PRMT7: variants seen among roughly 807,000 people sequenced by gnomAD.
PRMT7 encodes the protein protein arginine N-methyltransferase 7.
PRMT7 carries 75 observed loss-of-function variants against 85.4 expected under a neutral mutation model. The observed-to-expected ratio is 0.88, with a 90% CI of 0.73 to 1.06. The LOEUF is 1.06. PRMT7 is among the 50% of genes least tolerant of loss of function. PRMT7 has a pLI of 0.00. For missense variants in PRMT7, 868 were observed against 915.2 expected, an observed-to-expected ratio of 0.95 and a Z score of 0.67; for synonymous variants, 397 against 359.5, an observed-to-expected ratio of 1.10 and a Z score of -1.18.
chr16:68,311,459 A>ATACGGCGACCACC, intron 1 of PRMT7: 1 of 204,260 alleles, frequency 4.9e-6, no homozygotes, highest in East Asian at 1.8e-4. Context: ...GAGTAATTGG[A>ATACGGCGACCACC]GAGTCGTGTA....
chr16:68,352,168 C>T, intron 14 of PRMT7, 80 bp from the exon 15 acceptor site: 2 of 1,447,712 alleles, frequency 1.4e-6, no homozygotes, highest in South Asian at 1.3e-5. Flanking sequence ...ACTGAGTGGC[C>T]TGTTGCTTCC....
intron 6 of PRMT7, among the ~76,000 whole-genome samples, chr16:68,331,469 CTT>C (rs57038859): frequency 1.9e-4 from 22 of 114,438 alleles, no homozygotes; most frequent in East Asian, 6.8e-4. Flanking sequence ...CTTTGTTGTT[CTT>C]TTTTTTTTTT....
rs1161533616 is a variant in PRMT7 at position 68,347,328 on chromosome 16, T to C, written c.1275+34T>C. The C allele has an allele frequency of 5.3e-5, 80 of 1,507,404 alleles. 1 individual carries two copies. The highest frequency in any genetic ancestry group is 6.5e-5 in the Non-Finnish European group (73 of 1,119,636). 93.4% of individuals were successfully genotyped at this position (1,507,404 alleles called of 1,614,324 possible). A position where few individuals can be genotyped will look rare whatever the true frequency, so the allele number is the denominator to read the frequency against. On this transcript the variant is annotated intron_variant, in intron 12 of 18. Transcript: ENST00000441236. ...ATGCACCCTTGTCAGCCTCCTGATG[T>C]GGGCTTGTGAGTTAGAGCATTGCGT...
intron 3 of PRMT7, among the ~76,000 whole-genome samples, chr16:68,318,424 C>T (rs1597126558): frequency 6.6e-6 from 1 of 152,304 alleles, no homozygotes; most frequent in East Asian, 1.9e-4. Context: ...TGATCTTGAT[C>T]TCCTGACCTT....
downstream of PRMT7, chr16:68,358,992 A>T (rs1004117287): frequency 6.6e-6 from 1 of 152,642 alleles, no homozygotes; most frequent in African/African-American, 2.4e-5. Context: ...CCAGGACCTG[A>T]CTAGGCAGAG....
Position 68,356,772 on chromosome 16 carries a change from G to T in PRMT7, c.1883G>T (p.Gly628Val). 2.5e-6 allele frequency: 4 copies of T among 1,609,900 alleles called. No individual in the cohort carries two copies. The highest frequency in any genetic ancestry group is 3.4e-6 in the Non-Finnish European group (4 of 1,179,420). Residue 628 changes from glycine (G) to valine (V), a missense_variant, in exon 18 of 19, where the codon GGC (glycine) becomes GTC (valine). Physicochemically the swap from Gly to Val is moderately radical, Grantham distance 109. Transcript: ENST00000441236. ...HLTPECTLST[G>V]LLEPADPEGG... ...ACCCCGGAGTGCACGCTCAGCACTG[G>T]CCTCCTGGAGCCTGCAGACCCCGAG...
chr16:68,360,337 CCTT>C (rs1835975014), downstream of PRMT7: 1 of 114,448 alleles, frequency 8.7e-6, no homozygotes, highest in South Asian at 2.7e-4. Flanking sequence ...GCTGTGAGTC[CCTT>C]CTTCCTGTAA....
At chr16:68,311,510 G>A (rs760680074) in intron 1 of PRMT7, 40 of 161,094 alleles carry the variant, frequency 2.5e-4, no homozygotes, top group Non-Finnish European at 4.3e-4. Flanking sequence ...AAAAGCGTAA[G>A]CCTAGTGTAG....
At chr16:68,359,149 T>G (rs1186961892), downstream of PRMT7, 2 of 152,364 alleles carry the variant, frequency 1.3e-5, no homozygotes, top group Non-Finnish European at 2.9e-5. Flanking sequence ...GTGGGGGCCC[T>G]GCCCGGGCCT....
rs115945949 is a variant in PRMT7 at position 68,348,402 on chromosome 16, T to G, written c.1384T>G (p.Leu462Val). 4.3e-6 allele frequency: 7 copies of G among 1,612,862 alleles called. No homozygotes were observed. In the African/African-American group the frequency reaches 9.3e-5, roughly 22 times the overall value. ...INIIEKRPEL[L>V]TNEDLQGRKV... ...CATCATAGAGAAACGGCCGGAATTA[T>G]TAACAAATGAGGACCTACAGGGCAG... is the stretch of plus-strand genomic sequence containing the variant. Residue 462 changes from leucine (L) to valine (V), a missense_variant, in exon 14 of 19, where the codon TTA (leucine) becomes GTA (valine). Leu to Val is a conservative substitution (Grantham distance 32). Transcript: ENST00000441236.
At chr16:68,347,395 G>T (rs2086579518) in intron 12 of PRMT7, 101 bp downstream of exon 12, 14 of 1,273,966 alleles carry the variant, frequency 1.1e-5, no homozygotes, top group Middle Eastern at 1.9e-4. Flanking sequence ...CTTTGCAAAG[G>T]CCACTGTTGT....
chr16:68,319,233 GTC>G (rs1817563739), intron 3 of PRMT7, among the ~76,000 whole-genome samples: 1 of 152,204 alleles, frequency 6.6e-6, no homozygotes, highest in South Asian at 2.1e-4. Flanking sequence ...AGAGGTTGCA[GTC>G]TCTCAAGGGG....
intron 3 of PRMT7, among the ~76,000 whole-genome samples, chr16:68,317,387 G>C (rs574161644): frequency 6.6e-6 from 1 of 152,280 alleles, no homozygotes; most frequent in African/African-American, 2.4e-5. Context: ...GAGCAGCAGG[G>C]ATTACAGGTA....
At chr16:68,313,388 A>C (rs1304468946) in intron 2 of PRMT7, among the ~76,000 whole-genome samples, 1 of 152,202 alleles carries the variant, frequency 6.6e-6, no homozygotes, top group Non-Finnish European at 1.5e-5. Flanking sequence ...CATGGACCAC[A>C]GGATTAGTAT....
At chr16:68,345,895 A>G in intron 10 of PRMT7, 93 bp downstream of exon 10, 1 of 1,550,212 alleles carries the variant, frequency 6.5e-7, no homozygotes, top group South Asian at 1.2e-5. Flanking sequence ...CAGTGGGTTG[A>G]TTTGTGTCTG....
chr16:68,316,868 T>C (rs2081920271), intron 3 of PRMT7: 1 of 151,858 alleles, frequency 6.6e-6, no homozygotes, highest in African/African-American at 2.4e-5. Flanking sequence ...GATCCTGTTC[T>C]CATCTTCAAG....
chr16:68,351,484 G>C (rs2087341154), intron 14 of PRMT7: 1 of 152,480 alleles, frequency 6.6e-6, no homozygotes, highest in Non-Finnish European at 1.5e-5. Flanking sequence ...TTTGAACCCT[G>C]ATGAAAACTT....
intron 14 of PRMT7, among the ~76,000 whole-genome samples, 200 bp downstream of exon 14, chr16:68,348,631 CTTTTTTTTTTTTTTTT>C (rs56041186): frequency 2.5e-4 from 17 of 67,606 alleles, no homozygotes; most frequent in Admixed American, 1.2e-3. Context: ...TTGCACTGCT[CTTTTTTTTTTTTTTTT>C]TTTTTTTTTT....
At chr16:68,353,354 T>C in intron 15 of PRMT7, 138 bp from the exon 16 acceptor site, 1 of 1,489,362 alleles carries the variant, frequency 6.7e-7, no homozygotes, top group Non-Finnish European at 8.9e-7. Context: ...TGTGGATCTT[T>C]GTTCTCTCTG....
Sources: gnomAD v4.1 joint callset for allele counts (sites outside exome capture counted in the v4.1 genomes callset) on GRCh38, gnomAD v4.1.1 for gene constraint, MANE v1.5 for transcripts, NCBI Gene and HGNC (gene_info 2026-07-23, HGNC 2026-07-21) for gene names.